Variants in TMEM163 observed in about 807,000 individuals in gnomAD.
TMEM163 encodes the protein transmembrane protein 163.
In TMEM163, 17 loss-of-function variants were observed where a neutral mutation model predicts 29.3. That is an observed-to-expected ratio of 0.58 (90% CI 0.40 to 0.87). TMEM163 has a LOEUF of 0.87. Ranked by LOEUF, TMEM163 falls within the 40% of genes least tolerant of loss-of-function variation. The pLI is 0.00. For synonymous variants in TMEM163, 157 were observed against 160.6 expected, an observed-to-expected ratio of 0.98 and a Z score of 0.17; for missense variants, 303 against 381.5, an observed-to-expected ratio of 0.79 and a Z score of 1.71.
At chr2:134,683,540 A>T (rs1029142682) in intron 2 of TMEM163, among the ~76,000 whole-genome samples, 1 of 152,212 alleles carries the variant, frequency 6.6e-6, no homozygotes, top group East Asian at 1.9e-4. Context: ...TGGCAATTAC[A>T]AAACATGAAT....
chr2:134,523,642 C>T (rs1355324772), intron 4 of TMEM163, among the ~76,000 whole-genome samples: 5 of 152,286 alleles, frequency 3.3e-5, no homozygotes, highest in South Asian at 4.1e-4. Context: ...TTACTCTGAT[C>T]GTGGTGAGGC....
At chr2:134,627,462 C>T (rs751545727) in intron 2 of TMEM163, among the ~76,000 whole-genome samples, 1 of 152,074 alleles carries the variant, frequency 6.6e-6, no homozygotes, top group Non-Finnish European at 1.5e-5. Flanking sequence ...TAAGAGAACA[C>T]TGAATTGCAA....
intron 7 of TMEM163, 69 bp downstream of exon 7, chr2:134,457,963 T>G: frequency 6.2e-7 from 1 of 1,602,762 alleles, no homozygotes; most frequent in Non-Finnish European, 8.5e-7. Context: ...ATTTCCTGAC[T>G]GGGGAAGGCG....
At chr2:134,563,453 C>G (rs1489775949) in intron 2 of TMEM163, among the ~76,000 whole-genome samples, 3 of 152,148 alleles carry the variant, frequency 2.0e-5, no homozygotes, top group African/African-American at 7.2e-5. Flanking sequence ...AGTGAATACA[C>G]AAATTCCAGT....
intron 2 of TMEM163, among the ~76,000 whole-genome samples, chr2:134,649,926 G>A (rs772087318): frequency 3.9e-4 from 59 of 150,292 alleles, no homozygotes; most frequent in Non-Finnish European, 6.5e-4. Context: ...GTTCTCTTGA[G>A]GCCAAGAGAC....
chr2:134,593,688 C>T (rs1681992103), intron 2 of TMEM163, among the ~76,000 whole-genome samples: 1 of 152,088 alleles, frequency 6.6e-6, no homozygotes, highest in Non-Finnish European at 1.5e-5. Context: ...GGCTTAGTTA[C>T]TGCTTCCTGA....
At chr2:134,704,757 G>A (rs952155190) in intron 2 of TMEM163, among the ~76,000 whole-genome samples, 3 of 152,310 alleles carry the variant, frequency 2.0e-5, no homozygotes, top group Admixed American at 1.3e-4. Flanking sequence ...TTCTGACACA[G>A]ATGAGCTCTT....
intron 5 of TMEM163, among the ~76,000 whole-genome samples, chr2:134,473,156 G>A (rs1190981158): frequency 1.3e-5 from 2 of 152,168 alleles, no homozygotes; most frequent in Non-Finnish European, 2.9e-5. Flanking sequence ...AATGATCTGA[G>A]CTTTGCCTTT....
intron 2 of TMEM163, among the ~76,000 whole-genome samples, chr2:134,699,517 ATGT>A (rs1684651304): frequency 6.6e-6 from 1 of 151,750 alleles, no homozygotes; most frequent in African/African-American, 2.4e-5. Flanking sequence ...AAAAAAAAAA[ATGT>A]TGTAGATATG....
chr2:134,484,533 GCGTGGTGGCA>G (rs1419303794), intron 5 of TMEM163, among the ~76,000 whole-genome samples: 1 of 152,078 alleles, frequency 6.6e-6, no homozygotes, highest in African/African-American at 2.4e-5. Flanking sequence ...AATTAGCCAG[GCGTGGTGGCA>G]TGTGCCTGTA....
intron 5 of TMEM163, among the ~76,000 whole-genome samples, chr2:134,499,569 C>G (rs900941156): frequency 2.0e-5 from 3 of 152,234 alleles, no homozygotes; most frequent in African/African-American, 7.2e-5. Context: ...CCACGAGGCT[C>G]AGAGTCAACC....
intron 5 of TMEM163, among the ~76,000 whole-genome samples, chr2:134,473,109 A>G (rs1686839184): frequency 6.6e-6 from 1 of 152,246 alleles, no homozygotes; most frequent in African/African-American, 2.4e-5. Flanking sequence ...ATTTATAGTA[A>G]ATAATGTACT....
chr2:134,551,580 G>C (rs1680925108), intron 3 of TMEM163, among the ~76,000 whole-genome samples: 1 of 152,142 alleles, frequency 6.6e-6, no homozygotes, highest in South Asian at 2.1e-4. Context: ...AACAGACCTA[G>C]CCTGTGAAGC....
At position 134,648,365 on chromosome 2, in the gene TMEM163, G is replaced by C. The variant is rs75012436; in HGVS notation, c.322+64835C>G. On this transcript the variant is annotated intron_variant, in intron 2 of 7. Coordinates refer to ENST00000281924, the MANE Select transcript of TMEM163 (RefSeq NM_030923.5). ...CTCTTCTCTGCTGTGTGGAACCTGG[G>C]GTTTCTATGGGCACAGGATGGGGCT... Among the ~76,000 whole-genome samples, 359 of 73,038 alleles carry C rather than the reference G, an allele frequency of 4.9e-3. 13 individuals carry two copies. In the East Asian group the frequency reaches 0.075, roughly 15 times the overall value. 47.9% of individuals were successfully genotyped at this position (73,038 alleles called of 152,430 possible).
chr2:134,599,377 G>A (rs1012164446), intron 2 of TMEM163, among the ~76,000 whole-genome samples: 9 of 152,178 alleles, frequency 5.9e-5, no homozygotes, highest in African/African-American at 2.2e-4. Flanking sequence ...TAGAAGGTGA[G>A]GACTTTGGTA....
At chr2:134,622,193 A>T (rs2104825689) in intron 2 of TMEM163, among the ~76,000 whole-genome samples, 1 of 152,226 alleles carries the variant, frequency 6.6e-6, no homozygotes, top group South Asian at 2.1e-4. Flanking sequence ...CATCCGGGAG[A>T]TTTTGGGGGT....
intron 6 of TMEM163, among the ~76,000 whole-genome samples, chr2:134,462,715 A>T (rs1305548691): frequency 6.6e-6 from 1 of 152,242 alleles, no homozygotes; most frequent in African/African-American, 2.4e-5. Flanking sequence ...TCTGTACACC[A>T]CATAACATGA....
intron 5 of TMEM163, among the ~76,000 whole-genome samples, chr2:134,476,374 A>G (rs577129539): frequency 2.0e-5 from 3 of 152,316 alleles, no homozygotes; most frequent in Admixed American, 6.5e-5. Context: ...AATATTCTAT[A>G]TCTTCATTGT....
chr2:134,599,624 C>T (rs977690647), intron 2 of TMEM163, among the ~76,000 whole-genome samples: 2 of 152,038 alleles, frequency 1.3e-5, no homozygotes, highest in African/African-American at 4.8e-5. Flanking sequence ...GTTACAGCAG[C>T]CCAGCTGAGC....
Sources: allele counts gnomAD v4.1 joint callset (sites outside exome capture counted in the v4.1 genomes callset), GRCh38; gene constraint gnomAD v4.1.1; transcripts MANE v1.5; gene names NCBI Gene and HGNC (gene_info 2026-07-23, HGNC 2026-07-21).